The following PTGES3L variants were observed in gnomAD, a reference collection of about 807,000 sequenced individuals.
PTGES3L encodes prostaglandin E synthase 3 like.
A neutral mutation model predicts 25.0 loss-of-function variants in PTGES3L; 17 were observed. The observed-to-expected ratio is 0.68, with a 90% CI of 0.47 to 1.02. The LOEUF (loss-of-function observed/expected upper bound fraction) is 1.02. PTGES3L is among the 50% of genes least tolerant of loss of function. The pLI, the probability that PTGES3L is intolerant of heterozygous loss-of-function variation, is 0.00. For missense variants in PTGES3L, 202 were observed against 197.5 expected, an observed-to-expected ratio of 1.02 and a Z score of -0.14; for synonymous variants, 59 against 65.7, an observed-to-expected ratio of 0.90 and a Z score of 0.50.
rs1395551614 is a variant in PTGES3L, at chr17:42,979,446, T to C, written c.123-2A>G. 6.2e-7 allele frequency: 1 copy of C among 1,614,134 alleles called. No homozygotes were observed. The highest frequency in any genetic ancestry group is 1.7e-5 in the Admixed American group (1 of 60,006). The stretch of plus-strand genomic sequence containing the variant: ...TCCACTCCATCGGCATTCTTGCAGC[T>C]GAGGAGACAATGAAGCTGAGGAGAT... On this transcript the variant is annotated splice_acceptor_variant, in intron 2 of 6. Coordinates refer to ENST00000591916, the MANE Select transcript of PTGES3L (RefSeq NM_001261430.2). LOFTEE classifies it high-confidence loss of function.
intron 4 of PTGES3L, among the ~76,000 whole-genome samples, chr17:42,972,741 C>G (rs1366201945): frequency 1.3e-5 from 2 of 150,972 alleles, no homozygotes; most frequent in African/African-American, 4.9e-5. Context: ...GCCCGGCCGC[C>G]ACCCCGTCTG....
At chr17:42,977,280 G>T (rs1293123644) in intron 4 of PTGES3L, among the ~76,000 whole-genome samples, 5 of 152,024 alleles carry the variant, frequency 3.3e-5, no homozygotes, top group Non-Finnish European at 7.4e-5. Context: ...ACAAAAATTA[G>T]CTGGGCATGG....
intron 6 of PTGES3L, 21 bp from the exon 7 acceptor site, chr17:42,969,207 A>AAG: frequency 2.3e-6 from 3 of 1,319,204 alleles, no homozygotes; most frequent in Non-Finnish European, 3.2e-6. Flanking sequence ...GGGGGAAAAA[A>AAG]GACAAAGCAC....
At chr17:42,970,422 T>C in intron 5 of PTGES3L, 80 bp from the exon 6 acceptor site, 4 of 1,556,090 alleles carry the variant, frequency 2.6e-6, no homozygotes, top group Non-Finnish European at 3.5e-6. Context: ...CATAGAAGAA[T>C]GGTTGCAGCC....
At chr17:42,976,625 C>G (rs1028099487) in intron 4 of PTGES3L, among the ~76,000 whole-genome samples, 1 of 152,170 alleles carries the variant, frequency 6.6e-6, no homozygotes, top group African/African-American at 2.4e-5. Context: ...AGCAATCTGC[C>G]TGCCTCGGCC....
At position 42,979,590 on chromosome 17, in the gene PTGES3L, CG is replaced by C. The variant is rs1484608582; in HGVS notation, c.81del (p.Asp28MetfsTer33). 3.9e-5 allele frequency: 63 copies of C among 1,614,004 alleles called. No individual in the cohort carries two copies. The highest frequency in any genetic ancestry group is 5.1e-5 in the Non-Finnish European group (60 of 1,180,036). On this transcript the variant is annotated frameshift_variant, in exon 2 of 7. Coordinates refer to ENST00000591916, the MANE Select transcript of PTGES3L (RefSeq NM_001261430.2). LOFTEE classifies it high-confidence loss of function. ...TGATCCTCAATAAGCACGTGGACAT[CG>C]GTGCTGTCCTCAACACAAAACTCCA... ...VFMEFCVEDSTDVHVLIEDHR... is the reference protein window; with the variant it reads ...VFMEFCVEDSXDVHVLIEDHR...
chr17:42,979,144 A>C (rs1396543557), intron 4 of PTGES3L, 26 bp downstream of exon 4: 2 of 1,613,568 alleles, frequency 1.2e-6, no homozygotes, highest in South Asian at 1.1e-5. Flanking sequence ...TGGAGAGAAG[A>C]AGCAGGCCAC....
At chr17:42,973,964 T>C (rs1417288254) in intron 4 of PTGES3L, among the ~76,000 whole-genome samples, 1 of 129,784 alleles carries the variant, frequency 7.7e-6, no homozygotes, top group East Asian at 2.1e-4. Context: ...AATCCCCCTC[T>C]GTGAGAAACA....
chr17:42,971,253 G>A (rs1389790901), intron 5 of PTGES3L, among the ~76,000 whole-genome samples: 2 of 150,300 alleles, frequency 1.3e-5, no homozygotes, highest in East Asian at 2.0e-4. Flanking sequence ...CTGAGATCGC[G>A]CCATTGCACT....
At chr17:42,971,433 C>T (rs1567722565) in intron 5 of PTGES3L, among the ~76,000 whole-genome samples, 174 bp downstream of exon 5, 1 of 152,138 alleles carries the variant, frequency 6.6e-6, no homozygotes, top group Non-Finnish European at 1.5e-5. Context: ...TCCTCTCATC[C>T]CTATTAAATA....
chr17:42,971,881 C>T (rs570196457), intron 4 of PTGES3L, 185 bp from the exon 5 acceptor site: 23 of 580,366 alleles, frequency 4.0e-5, no homozygotes, highest in African/African-American at 3.9e-4. Context: ...ATGATAGAGT[C>T]TGAAAATCTC....
At chr17:42,974,786 A>G (rs1489605246) in intron 4 of PTGES3L, among the ~76,000 whole-genome samples, 2 of 151,904 alleles carry the variant, frequency 1.3e-5, no homozygotes, top group Non-Finnish European at 2.9e-5. Flanking sequence ...AAAAAAAAAA[A>G]AAAAATTTAT....
In PTGES3L at chr17:42,969,067, C is replaced by T; in HGVS notation, c.*81G>A. On this transcript the variant is annotated 3_prime_UTR_variant, in exon 7 of 7. Coordinates refer to ENST00000591916, the MANE Select transcript of PTGES3L (RefSeq NM_001261430.2). ...AAGAACTTGGTGCACAGCCAAAGCG[C>T]TGACAAAGGCCTAGGCGCTAGCTTT... 9.3e-7 allele frequency: 1 copy of T among 1,076,010 alleles called. No homozygotes were observed. Among genetic ancestry groups the T allele is most frequent in the Admixed American group, 2.1e-5 (1 of 47,206 alleles). 66.7% of individuals were successfully genotyped at this position (1,076,010 alleles called of 1,614,324 possible).
At chr17:42,979,799 G>C (rs570648792) in intron 1 of PTGES3L, 136 bp from the exon 2 acceptor site, 1 of 1,429,876 alleles carries the variant, frequency 7.0e-7, no homozygotes, top group South Asian at 1.3e-5. Context: ...GGGGTGAAAG[G>C]GAAGGGAATG....
chr17:42,971,469 T>C, intron 5 of PTGES3L, 138 bp downstream of exon 5: 1 of 760,276 alleles, frequency 1.3e-6, no homozygotes, highest in Non-Finnish European at 2.1e-6. Context: ...ACGTAAAGAA[T>C]ATCAGCATCA....
At chr17:42,973,073 A>G (rs1293531226) in intron 4 of PTGES3L, among the ~76,000 whole-genome samples, 1 of 99,706 alleles carries the variant, frequency 1.0e-5, no homozygotes, top group Non-Finnish European at 2.0e-5. Flanking sequence ...AAGTGAGGAG[A>G]CCCTCTGCCT....
At chr17:42,977,560 C>T (rs1451688950) in intron 4 of PTGES3L, among the ~76,000 whole-genome samples, 9 of 146,040 alleles carry the variant, frequency 6.2e-5, no homozygotes, top group Admixed American at 2.1e-4. Context: ...GCCGAGATGG[C>T]GCCATTGCAC....
chr17:42,979,672 A>G lies in PTGES3L; in HGVS notation c.9-9T>C, dbSNP rs758059360. ...AGGTCCGGGCGTGCTGCCTGAAGAG[A>G]AGTTGAGGTGTGGCTTCATAGGGGT... On this transcript the variant is annotated splice_polypyrimidine_tract_variant and intron_variant, in intron 1 of 6. Coordinates refer to ENST00000591916, the MANE Select transcript of PTGES3L (RefSeq NM_001261430.2). 1 of 1,612,886 alleles carries G rather than the reference A, an allele frequency of 6.2e-7. No individual in the cohort carries two copies. The highest frequency in any genetic ancestry group is 1.1e-5 in the South Asian group (1 of 90,920).
chr17:42,979,017 TAAA>T (rs1419998498), intron 4 of PTGES3L, among the ~76,000 whole-genome samples, 150 bp downstream of exon 4: 1 of 151,252 alleles, frequency 6.6e-6, no homozygotes, highest in Non-Finnish European at 1.5e-5. Flanking sequence ...AATAAATAAA[TAAA>T]AATAAAAAGA....
Sources: allele counts gnomAD v4.1 joint callset (sites outside exome capture counted in the v4.1 genomes callset), GRCh38; gene constraint gnomAD v4.1.1; transcripts MANE v1.5; gene names NCBI Gene and HGNC (gene_info 2026-07-23, HGNC 2026-07-21).